Variants in DUXA observed in about 807,000 individuals in gnomAD.
DUXA encodes the protein double homeobox A, also known as double homeobox protein A.
In DUXA, 25 loss-of-function variants were observed where a neutral mutation model predicts 27.5. That is an observed-to-expected ratio of 0.91 (90% confidence interval 0.66 to 1.27). The LOEUF is 1.27. Among genes scored for constraint, DUXA ranks in the 50% most tolerant of loss-of-function variants. DUXA has a pLI of 0.00. For synonymous variants in DUXA, 90 were observed against 80.5 expected (o/e 1.12, Z -0.63); for missense variants, 247 against 242.9 (o/e 1.02, Z -0.11).
rs2086985942 is a variant in DUXA at position 57,155,126 on chromosome 19, G to A, written c.544+141C>T. ...CCTGGGAAGAGTCTTTGGGGACTGTGAGCAACCCCATGGTACCGTGGAGCA... is the reference window on the plus strand; with the variant it reads ...CCTGGGAAGAGTCTTTGGGGACTGTAAGCAACCCCATGGTACCGTGGAGCA... On this transcript the variant is annotated intron_variant, in intron 5 of 5. Transcript: ENST00000554048. The A allele has an allele frequency of 7.1e-6, 5 of 703,814 alleles. No individual in the cohort carries two copies. In the South Asian group the frequency reaches 7.5e-5, roughly 11 times the overall value. The allele number at this position is 703,814 out of a possible 1,614,324, so 43.6% of individuals were successfully genotyped here.
At chr19:57,165,316 A>ATAT (rs1483619628) in intron 1 of DUXA, among the ~76,000 whole-genome samples, 1 of 92,070 alleles carries the variant, frequency 1.1e-5, no homozygotes, top group African/African-American at 3.8e-5. Flanking sequence ...TAGGAAAAAA[A>ATAT]AAAAAAAAAT....
intron 4 of DUXA, 100 bp from the exon 5 acceptor site, chr19:57,155,472 G>T: frequency 1.1e-6 from 1 of 904,794 alleles, no homozygotes; most frequent in Non-Finnish European, 1.7e-6. Flanking sequence ...TTGAGACAGC[G>T]GTCTCTCTCA....
rs753576553 is a variant in DUXA, at chr19:57,158,488, G to A, written c.293-15C>T. On this transcript the variant is annotated splice_polypyrimidine_tract_variant and intron_variant, in intron 3 of 5. Coordinates refer to ENST00000554048, the MANE Select transcript of DUXA (RefSeq NM_001012729.2). ...GGCTTCTCTACCTAGGGAAGGCATGGAAAGATGGAGGGGGGCGGTCAAGGA... is the reference window on the plus strand; with the variant it reads ...GGCTTCTCTACCTAGGGAAGGCATGAAAAGATGGAGGGGGGCGGTCAAGGA... 7 of 1,608,424 alleles carry A rather than the reference G, an allele frequency of 4.4e-6. No homozygotes were observed. In the South Asian group the frequency reaches 7.7e-5, roughly 18 times the overall value.
intron 4 of DUXA, among the ~76,000 whole-genome samples, chr19:57,157,729 C>T (rs1260365565): frequency 6.6e-6 from 1 of 151,904 alleles, no homozygotes; most frequent in Non-Finnish European, 1.5e-5. Context: ...GGTGGCTCAG[C>T]CCTGTAATCC....
intron 2 of DUXA, among the ~76,000 whole-genome samples, chr19:57,159,531 G>A (rs2087009728): frequency 6.6e-6 from 1 of 151,960 alleles, no homozygotes; most frequent in Admixed American, 6.6e-5. Context: ...TCCTGGCTCA[G>A]ACTCCCAAGG....
intron 1 of DUXA, among the ~76,000 whole-genome samples, chr19:57,161,189 G>C (rs1211200052): frequency 6.6e-6 from 1 of 151,712 alleles, no homozygotes; most frequent in African/African-American, 2.4e-5. Flanking sequence ...GCCAGTCGTG[G>C]TGGCGTGTGC....
chr19:57,156,668 A>G (rs2086994558), intron 4 of DUXA, among the ~76,000 whole-genome samples: 1 of 151,532 alleles, frequency 6.6e-6, no homozygotes, highest in African/African-American at 2.4e-5. Flanking sequence ...ACTGGCCACA[A>G]CTCTTTTTAT....
chr19:57,163,601 G>A (rs2087035802), intron 1 of DUXA, among the ~76,000 whole-genome samples: 1 of 152,082 alleles, frequency 6.6e-6, no homozygotes, highest in African/African-American at 2.4e-5. Flanking sequence ...CTGCCACCAT[G>A]CCTGGCTAAT....
intron 1 of DUXA, among the ~76,000 whole-genome samples, chr19:57,162,796 G>A (rs1208225745): frequency 1.3e-5 from 2 of 152,006 alleles, no homozygotes; most frequent in African/African-American, 2.4e-5. Flanking sequence ...GACTGGTCTC[G>A]AACTCCTGAC....
At chr19:57,162,365 C>A (rs933704909) in intron 1 of DUXA, among the ~76,000 whole-genome samples, 1 of 152,300 alleles carries the variant, frequency 6.6e-6, no homozygotes, top group South Asian at 2.1e-4. Flanking sequence ...ACATAATTTG[C>A]TGGATAGGAC....
At chr19:57,165,784 G>A (rs144877355) in intron 1 of DUXA, among the ~76,000 whole-genome samples, 13,963 of 132,818 alleles carry the variant, frequency 0.11, 787 homozygotes, top group Middle Eastern at 0.16. Flanking sequence ...CAGCCTGGGC[G>A]AGAGAGTGAG....
chr19:57,165,725 A>G (rs1472789447), intron 1 of DUXA, among the ~76,000 whole-genome samples: 2 of 150,290 alleles, frequency 1.3e-5, no homozygotes, highest in East Asian at 4.0e-4. Flanking sequence ...GAATGGCATG[A>G]ACCCGGGAGG....
At chr19:57,165,328 T>TATATATAC (rs2087047826) in intron 1 of DUXA, among the ~76,000 whole-genome samples, 1 of 112,366 alleles carries the variant, frequency 8.9e-6, no homozygotes, top group African/African-American at 3.1e-5. Flanking sequence ...AAAAAAAATA[T>TATATATAC]ATATATATAT....
intron 1 of DUXA, among the ~76,000 whole-genome samples, chr19:57,161,343 A>AAAAG: frequency 7.6e-6 from 1 of 131,654 alleles, no homozygotes; most frequent in Non-Finnish European, 1.6e-5. Flanking sequence ...AAAAAAAAAA[A>AAAAG]CTGGGCGCGG....
intron 1 of DUXA, among the ~76,000 whole-genome samples, chr19:57,164,402 C>A (rs34723468): frequency 6.6e-6 from 1 of 151,854 alleles, no homozygotes; most frequent in Non-Finnish European, 1.5e-5. Context: ...TTGGAGAAAC[C>A]CCGTCTCTAC....
At chr19:57,161,648 T>A (rs2087024630) in intron 1 of DUXA, among the ~76,000 whole-genome samples, 2 of 151,024 alleles carry the variant, frequency 1.3e-5, no homozygotes, top group South Asian at 4.2e-4. Flanking sequence ...TGAAGTAAAA[T>A]AAAAAATAAA....
chr19:57,161,398 C>G (rs1318247849), intron 1 of DUXA, among the ~76,000 whole-genome samples: 2 of 143,894 alleles, frequency 1.4e-5, no homozygotes, highest in African/African-American at 5.3e-5. Context: ...CCGAGGCGGG[C>G]GGATCACAAG....
intron 1 of DUXA, among the ~76,000 whole-genome samples, chr19:57,165,324 A>AAATATATATATATATATATATATATATAT (rs1491567041): frequency 1.3e-4 from 12 of 89,262 alleles, no homozygotes; most frequent in Admixed American, 3.9e-4. Context: ...AAAAAAAAAA[A>AAATATATATATATATATATATATATATAT]ATATATATAT....
At chr19:57,154,763 C>T (rs1476278781) in intron 5 of DUXA, among the ~76,000 whole-genome samples, 1 of 151,986 alleles carries the variant, frequency 6.6e-6, no homozygotes, top group East Asian at 1.9e-4. Context: ...CGGGGTTTCA[C>T]CGTGTTAGCC....
Sources: gnomAD v4.1 joint callset for allele counts (sites outside exome capture counted in the v4.1 genomes callset) on GRCh38, gnomAD v4.1.1 for gene constraint, MANE v1.5 for transcripts, NCBI Gene and HGNC (gene_info 2026-07-23, HGNC 2026-07-21) for gene names.